DPRX: variants seen among roughly 807,000 people sequenced by gnomAD.
DPRX encodes divergent paired-related homeobox.
In DPRX, 11 loss-of-function variants were observed where a neutral mutation model predicts 8.4. The ratio of observed to expected loss-of-function variants is 1.31; its 90% CI spans 0.82 to 2.17. DPRX has a LOEUF of 2.17. Ranked by LOEUF, DPRX falls within the 30% of genes most tolerant of loss-of-function variation. DPRX has a pLI of 0.00. For missense variants in DPRX, 211 were observed against 236.7 expected, an observed-to-expected ratio of 0.89 and a Z score of 0.71; for synonymous variants, 72 against 87.0, an observed-to-expected ratio of 0.83 and a Z score of 0.96.
At chr19:53,608,990 AAAGAGAAAGAAAG>A in the DPRX span, among the ~76,000 whole-genome samples, 5 of 108,660 alleles carry the variant, frequency 4.6e-5, no homozygotes, top group Admixed American at 3.7e-4. Flanking sequence ...GAAAAGAAAG[AAAGAGAAAGAAAG>A]AAAGAAAGCG....
At chr19:53,633,204 G>A (rs1322048330) in intron 1 of DPRX, among the ~76,000 whole-genome samples, 1 of 152,170 alleles carries the variant, frequency 6.6e-6, no homozygotes, top group Non-Finnish European at 1.5e-5. Context: ...GAGGTGAGAG[G>A]ATCGCTTGAG....
At chr19:53,632,069 C>T (rs1178454478) in exon 1 of DPRX, 2 of 1,613,646 alleles carry the variant, frequency 1.2e-6, no homozygotes, top group Non-Finnish European at 1.7e-6. Context: ...TAGTTCTTAT[C>T]CCTGGACCTG....
At chr19:53,619,266 C>T in the DPRX span, among the ~76,000 whole-genome samples, 2 of 151,788 alleles carry the variant, frequency 1.3e-5, no homozygotes, top group South Asian at 2.1e-4. Flanking sequence ...TGAGGCCAGG[C>T]GTGGTGGCTC....
At chr19:53,622,452 CAT>C in the DPRX span, among the ~76,000 whole-genome samples, 1 of 152,110 alleles carries the variant, frequency 6.6e-6, no homozygotes, top group Non-Finnish European at 1.5e-5. Flanking sequence ...GCCTAGGTAA[CAT>C]AATGAGACCT....
chr19:53,634,520 C>T lies in DPRX; in HGVS notation c.29-11C>T, dbSNP rs542179682. On this transcript the variant is annotated splice_polypyrimidine_tract_variant and intron_variant, in intron 1 of 2. Coordinates refer to ENST00000376650, the Ensembl canonical transcript of DPRX. ...CATTTCCCATTTGTGTCTTTTTCCT[C>T]CTCTTTCAAGGCAAGGACCAGATGC... 1.2e-4 allele frequency: 186 copies of T among 1,599,532 alleles called. 1 individual carries two copies. In the South Asian group the frequency reaches 2.0e-3, roughly 17 times the overall value.
the DPRX span, among the ~76,000 whole-genome samples, chr19:53,625,462 C>G: frequency 6.6e-6 from 1 of 151,992 alleles, no homozygotes; most frequent in African/African-American, 2.4e-5. Context: ...ACCCTGCTAC[C>G]GCGTCTCTGT....
the DPRX span, among the ~76,000 whole-genome samples, chr19:53,624,078 C>A: frequency 2.9e-5 from 4 of 136,576 alleles, no homozygotes; most frequent in Non-Finnish European, 4.6e-5. Context: ...GATTGTTGTA[C>A]CTTTTTTTTT....
chr19:53,623,309 A>AT, the DPRX span, among the ~76,000 whole-genome samples: 13 of 123,782 alleles, frequency 1.1e-4, no homozygotes, highest in East Asian at 2.3e-4. Flanking sequence ...TCTGTCTCAA[A>AT]AAAATAAATA....
chr19:53,610,245 G>C, the DPRX span, among the ~76,000 whole-genome samples: 1 of 151,004 alleles, frequency 6.6e-6, no homozygotes, highest in Non-Finnish European at 1.5e-5. Context: ...GCTTGAAACT[G>C]GGTGGCAGAG....
the DPRX span, among the ~76,000 whole-genome samples, chr19:53,604,124 C>A: frequency 6.6e-6 from 1 of 152,074 alleles, no homozygotes; most frequent in East Asian, 1.9e-4. Context: ...GTAAATCATC[C>A]TTTTGTCCAG....
chr19:53,628,236 G>A (rs147951618), upstream of DPRX, among the ~76,000 whole-genome samples: 843 of 152,220 alleles, frequency 5.5e-3, 5 homozygotes, highest in African/African-American at 0.019. Flanking sequence ...CCTGGAGGTT[G>A]AGACCAGCCT....
At chr19:53,614,436 C>CGCCTG in the DPRX span, among the ~76,000 whole-genome samples, 1 of 152,010 alleles carries the variant, frequency 6.6e-6, no homozygotes, top group African/African-American at 2.4e-5. Flanking sequence ...CGGTGGCTCA[C>CGCCTG]GCCTGTAATC....
chr19:53,621,655 A>G, the DPRX span, among the ~76,000 whole-genome samples: 1 of 151,986 alleles, frequency 6.6e-6, no homozygotes, highest in African/African-American at 2.4e-5. Flanking sequence ...CATGGTGGTC[A>G]GCACCTGTAA....
the DPRX span, chr19:53,617,196 G>GT: frequency 1.3e-5 from 12 of 942,526 alleles, no homozygotes; most frequent in Non-Finnish European, 1.8e-5. Flanking sequence ...GTCCTATTGA[G>GT]TTTTTTTCAC....
chr19:53,628,987 A>G (rs760879237), upstream of DPRX, among the ~76,000 whole-genome samples: 4 of 151,788 alleles, frequency 2.6e-5, no homozygotes, highest in African/African-American at 4.9e-5. Flanking sequence ...TGGATTAAAC[A>G]ATATGGTTTA....
chr19:53,626,865 A>AT, the DPRX span, among the ~76,000 whole-genome samples: 14 of 151,472 alleles, frequency 9.2e-5, no homozygotes, highest in Non-Finnish European at 2.1e-4. Flanking sequence ...CGCCTGGCTA[A>AT]TTTTTTTTGT....
chr19:53,606,580 AAAATAG>A, the DPRX span: 1 of 152,620 alleles, frequency 6.6e-6, no homozygotes, highest in Non-Finnish European at 1.5e-5. This position sits in a 1 kb window ranked among gnomAD's most constrained non-coding sequence, Gnocchi z 4.8. Context: ...CTGAGACACC[AAAATAG>A]GCCAAGAAGC....
chr19:53,617,386 C>T, the DPRX span: 156 of 435,398 alleles, frequency 3.6e-4, 1 homozygote, highest in Middle Eastern at 5.4e-3. Context: ...TGGTAAAACC[C>T]CATCCCTACT....
At chr19:53,625,356 G>A in the DPRX span, among the ~76,000 whole-genome samples, 1 of 152,092 alleles carries the variant, frequency 6.6e-6, no homozygotes, top group East Asian at 1.9e-4. Flanking sequence ...GTCTGGCCCT[G>A]ATCACAGCCA....
Sources: allele counts gnomAD v4.1 joint callset (sites outside exome capture counted in the v4.1 genomes callset), GRCh38; gene constraint gnomAD v4.1.1; non-coding constraint Gnocchi (gnomAD v3.1); transcripts MANE v1.5; gene names NCBI Gene and HGNC (gene_info 2026-07-23, HGNC 2026-07-21).